Variants in CSF1R observed in about 807,000 individuals in gnomAD.
CSF1R encodes macrophage colony-stimulating factor 1 receptor.
Under a neutral mutation model 110.0 loss-of-function variants are expected in CSF1R, and 40 were observed. That is an observed-to-expected ratio of 0.36 (90% confidence interval 0.28 to 0.47). CSF1R has a LOEUF of 0.47. Ranked by LOEUF, CSF1R falls within the 20% of genes least tolerant of loss-of-function variation. The pLI is 0.99. For missense variants in CSF1R, 1,052 were observed against 1,253.0 expected, an observed-to-expected ratio of 0.84 and a Z score of 2.42; for synonymous variants, 523 against 503.4, an observed-to-expected ratio of 1.04 and a Z score of -0.52.
intron 1 of CSF1R, among the ~76,000 whole-genome samples, chr5:150,104,276 G>A (rs1239693025): frequency 3.3e-5 from 5 of 152,230 alleles, no homozygotes; most frequent in African/African-American, 1.2e-4. Context: ...CCAGCAAGAG[G>A]GGTGGAGGCT....
chr5:150,089,753 G>A (rs112685751), upstream of CSF1R, among the ~76,000 whole-genome samples: 22 of 152,304 alleles, frequency 1.4e-4, 1 homozygote, highest in African/African-American at 5.3e-4. Flanking sequence ...AATCTTGGAG[G>A]AGTCACACTT....
chr5:150,098,324 T>C (rs1759289292), intron 1 of CSF1R: 1 of 152,204 alleles, frequency 6.6e-6, no homozygotes. Context: ...GAGAAAATCT[T>C]TGTGACCTTG....
intron 1 of CSF1R, among the ~76,000 whole-genome samples, chr5:150,104,936 T>G (rs1367950407): frequency 1.3e-5 from 2 of 151,468 alleles, no homozygotes; most frequent in Non-Finnish European, 2.9e-5. Flanking sequence ...TGGAGTGCAG[T>G]GGCGTGATCT....
chr5:150,080,941 T>TGCCC lies in CSF1R; in HGVS notation c.129_132dup (p.Asn45GlyfsTer20). The TGCCC allele has an allele frequency of 6.2e-7, 1 of 1,614,144 alleles. No homozygotes were observed. Among genetic ancestry groups the TGCCC allele is most frequent in the Non-Finnish European group, 8.5e-7 (1 of 1,180,010 alleles). ...GGGCCATCCCATTCCACGCTGCCAT[T>TGCCC]GCCCACACATCGCAAGGTCACCGTT... On this transcript the variant is annotated frameshift_variant, in exon 2 of 21. Coordinates refer to ENST00000675795, the MANE Select transcript of CSF1R (RefSeq NM_001288705.3). LOFTEE classifies it high-confidence loss of function.
chr5:150,058,164 CAT>C (rs746508105), intron 14 of CSF1R: 22 of 454,636 alleles, frequency 4.8e-5, no homozygotes, highest in African/African-American at 1.2e-4. Context: ...CGCTGCAACT[CAT>C]GTGCAGATAA....
At position 150,070,167 on chromosome 5, in the gene CSF1R, G is replaced by A. The variant is rs1354707112; in HGVS notation, c.1319+15C>T. On this transcript the variant is annotated intron_variant, in intron 8 of 20. Transcript: ENST00000675795. Reference sequence around the variant, plus strand: ...CCCTGAGCCCAGGTGAGGGAGGTGAGTGGAGCCCACTTACCTATCAGTGTG... The same window carrying A: ...CCCTGAGCCCAGGTGAGGGAGGTGAATGGAGCCCACTTACCTATCAGTGTG... 1 of 1,612,876 alleles carries A rather than the reference G, an allele frequency of 6.2e-7. No homozygotes were observed. The highest frequency in any genetic ancestry group is 2.2e-5 in the East Asian group (1 of 44,848).
At position 150,105,382 on chromosome 5, in the gene CSF1R, A is replaced by ATT. The variant is rs1195495947; in HGVS notation, c.-181+7878_-181+7879insAA. ...AAAAAAAATATATATATATATATAT[A>ATT]TATTTTTTTTTTTTTAATAGAGGCG... On this transcript the variant is annotated intron_variant, in intron 1 of 21. Transcript: ENST00000286301. Among the ~76,000 whole-genome samples the ATT allele has an allele frequency of 6.9e-3, 575 of 82,744 alleles. 13 individuals carry two copies. Among genetic ancestry groups the ATT allele is most frequent in the African/African-American group, 0.026 (556 of 21,548 alleles). The allele number at this position is 82,744 out of a possible 152,430, so 54.3% of individuals were successfully genotyped here. A position where few individuals can be genotyped will look rare whatever the true frequency, so the allele number is the denominator to read the frequency against.
At chr5:150,061,444 G>T in intron 12 of CSF1R, 47 bp downstream of exon 12, 1 of 584,954 alleles carries the variant, frequency 1.7e-6, no homozygotes, top group South Asian at 3.2e-5. Context: ...CCCACCCCCA[G>T]CATCTACCAC....
chr5:150,061,887 G>C (rs2113793182), intron 10 of CSF1R, 38 bp from the exon 11 acceptor site: 2 of 1,613,204 alleles, frequency 1.2e-6, no homozygotes, highest in African/African-American at 1.3e-5. Context: ...AGTCGGGGCT[G>C]GCAGGCAGTT....
rs1757213725 is a variant in CSF1R at position 150,056,243 on chromosome 5, G to A, written c.2418C>T (p.Asp806=). ...CATTGCCCTTGACAATGTAGTTGGA[G>A]TCATTCATGATGTCCCTAGCCAGCC... The part of the protein sequence containing the change: ...DFGLARDIMN[D]SNYIVKGNAR... The change falls in exon 17 of 21, where the codon GAC becomes GAT. Residue 806 remains aspartate (D), a synonymous_variant. Coordinates refer to ENST00000675795, the MANE Select transcript of CSF1R (RefSeq NM_001288705.3). 3.1e-6 allele frequency: 5 copies of A among 1,614,182 alleles called. No homozygotes were observed. The highest frequency in any genetic ancestry group is 4.2e-6 in the Non-Finnish European group (5 of 1,180,036).
rs1269777176 is a variant in CSF1R, at chr5:150,077,977, AC to A, written c.729+134del. On this transcript the variant is annotated intron_variant, in intron 4 of 20. Coordinates refer to ENST00000675795, the MANE Select transcript of CSF1R (RefSeq NM_001288705.3). ...GGAGTGAGATCTCGGGTGAGTCTGC[AC>A]CCCTCTCTGGAGTCTGAGCTGTGCC... is the stretch of plus-strand genomic sequence containing the variant. The A allele has an allele frequency of 2.6e-6, 3 of 1,142,474 alleles. No individual in the cohort carries two copies. The East Asian group carries it at 7.3e-5, about 28-fold the overall frequency. The allele number at this position is 1,142,474 out of a possible 1,614,324, so 70.8% of individuals were successfully genotyped here. A position where few individuals can be genotyped will look rare whatever the true frequency, so the allele number is the denominator to read the frequency against.
rs748350388 is a variant in CSF1R at position 150,086,263 on chromosome 5, T to A, written c.49+116A>T. On this transcript the variant is annotated intron_variant, in intron 1 of 20. Transcript: ENST00000675795. ...ATACCCACAAGCCTGCAGTCCAGTG[T>A]TGGGGAGACTAAAACAGCCTGAGGA... 5 of 989,518 alleles carry A rather than the reference T, an allele frequency of 5.1e-6. No individual in the cohort carries two copies. The East Asian group carries it at 1.3e-4, about 26-fold the overall frequency. The allele number at this position is 989,518 out of a possible 1,614,324, so 61.3% of individuals were successfully genotyped here. A position where few individuals can be genotyped will look rare whatever the true frequency, so the allele number is the denominator to read the frequency against.
At chr5:150,105,289 A>G (rs1759512765) in intron 1 of CSF1R, among the ~76,000 whole-genome samples, 1 of 142,230 alleles carries the variant, frequency 7.0e-6, no homozygotes, top group South Asian at 2.4e-4. Context: ...CGGAGGTTGC[A>G]GTGAGCCAAC....
chr5:150,103,464 G>T lies in CSF1R; in HGVS notation c.-181+9797C>A, dbSNP rs1175082361. On this transcript the variant is annotated intron_variant, in intron 1 of 21. Coordinates refer to the CSF1R transcript ENST00000286301. ...GGGTGAGCACTCTGGTTTCTTAGTA[G>T]TCTTTCCTGGGACATGGTCTCCAAG... Among the ~76,000 whole-genome samples, 3 of 152,348 alleles carry T rather than the reference G, an allele frequency of 2.0e-5. No homozygotes were observed. The East Asian group carries it at 5.8e-4, about 29-fold the overall frequency.
intron 1 of CSF1R, among the ~76,000 whole-genome samples, chr5:150,110,304 C>T (rs1443488392): frequency 1.3e-5 from 2 of 152,202 alleles, no homozygotes; most frequent in African/African-American, 4.8e-5. Context: ...GGAATAAGAA[C>T]CTCTTCCCCT....
In CSF1R at chr5:150,080,233, G is replaced by A. The variant is rs781229473; in HGVS notation, c.411C>T (p.Gly137=). Residue 137 remains glycine (G), a synonymous_variant, in exon 3 of 21, where the codon GGC becomes GGT. Transcript: ENST00000675795. ...GGCCACGCACACGCACCAGCGAGAC[G>A]CCTGCTTCCAGCACCGGGTCTGTGA... ...CLLTDPVLEA[G]VSLVRVRGRP... 8.1e-6 allele frequency: 13 copies of A among 1,613,744 alleles called. No individual in the cohort carries two copies. Among genetic ancestry groups the A allele is most frequent in the Middle Eastern group, 3.3e-4 (2 of 6,084 alleles).
rs41338945 is a variant in CSF1R, at chr5:150,077,432, C to A, written c.733G>T (p.Ala245Ser). The part of the protein sequence containing the change: ...VFLQHNNTKL[A>S]IPQQSDFHNN... ...TGAAAGTCAGATTGTTGAGGGATTGCGAGCTGCAGCCAGAAGGAATGGAGA... is the reference window on the plus strand; with the variant it reads ...TGAAAGTCAGATTGTTGAGGGATTGAGAGCTGCAGCCAGAAGGAATGGAGA... The change falls in exon 5 of 21, where the codon GCA (alanine) becomes TCA (serine). Residue 245 changes from alanine (A) to serine (S), a missense_variant. Coordinates refer to ENST00000675795, the MANE Select transcript of CSF1R (RefSeq NM_001288705.3). The A allele has an allele frequency of 5.0e-3, 8,090 of 1,610,236 alleles. 352 individuals carry two copies. In the African/African-American group the frequency reaches 0.096, roughly 19 times the overall value.
chr5:150,112,370 G>A (rs557394770), intron 1 of CSF1R, among the ~76,000 whole-genome samples: 2 of 152,346 alleles, frequency 1.3e-5, no homozygotes, highest in Non-Finnish European at 1.5e-5. Context: ...CAGCCCTGGG[G>A]CATAGTAACT....
intron 5 of CSF1R, among the ~76,000 whole-genome samples, chr5:150,074,799 C>A (rs1040598826): frequency 1.3e-5 from 2 of 152,072 alleles, no homozygotes; most frequent in African/African-American, 4.8e-5. Context: ...TCAATCAAAT[C>A]AGGTCTCACT....
Sources: allele counts gnomAD v4.1 joint callset (sites outside exome capture counted in the v4.1 genomes callset), GRCh38; gene constraint gnomAD v4.1.1; transcripts MANE v1.5; gene names NCBI Gene and HGNC (gene_info 2026-07-23, HGNC 2026-07-21).